Variants in TNRC18 observed in about 807,000 individuals in gnomAD.
The protein encoded by TNRC18 is trinucleotide repeat-containing gene 18 protein.
Under a neutral mutation model 226.7 loss-of-function variants are expected in TNRC18, and 69 were observed. The ratio of observed to expected loss-of-function variants is 0.30; its 90% confidence interval spans 0.25 to 0.37. The LOEUF (loss-of-function observed/expected upper bound fraction) is 0.37, where lower values mean the gene tolerates loss of function less well. TNRC18 is among the 10% of genes least tolerant of loss of function. TNRC18 has a pLI of 1.00. For synonymous variants in TNRC18, 2,449 were observed against 1,927.6 expected, an observed-to-expected ratio of 1.27 and a Z score of -7.09; for missense variants, 4,754 against 4,256.6, an observed-to-expected ratio of 1.12 and a Z score of -3.25.
At chr7:5,322,621 T>C (rs1788492920) in intron 21 of TNRC18, among the ~76,000 whole-genome samples, 1 of 152,210 alleles carries the variant, frequency 6.6e-6, no homozygotes, top group African/African-American at 2.4e-5. Flanking sequence ...CCACTTTTTC[T>C]TTCTGGCGGA....
chr7:5,360,365 G>A (rs1178987775), intron 14 of TNRC18, among the ~76,000 whole-genome samples: 2 of 151,976 alleles, frequency 1.3e-5, no homozygotes, highest in Non-Finnish European at 1.5e-5. Flanking sequence ...AAATAGCTGG[G>A]ATTACAGGCA....
At chr7:5,352,915 A>T (rs1583878963) in intron 16 of TNRC18, among the ~76,000 whole-genome samples, 5 of 152,184 alleles carry the variant, frequency 3.3e-5, no homozygotes, top group African/African-American at 1.2e-4. Flanking sequence ...TCCACTCCAG[A>T]CGGGGGGAAC....
chr7:5,388,021 G>A lies in TNRC18; in HGVS notation c.1803C>T (p.Ala601=), dbSNP rs4720623. The A allele has an allele frequency of 0.3, 476,998 of 1,571,940 alleles. 80,680 individuals are homozygous for A. Among genetic ancestry groups the A allele is most frequent in the African/African-American group, 0.71 (52,473 of 73,964 alleles). The change falls in exon 5 of 30, where the codon GCC becomes GCT. Residue 601 remains alanine, a synonymous_variant. Transcript: ENST00000430969. Reference sequence around the variant, plus strand: ...TCTTGCCACAGCCACCAGGGCGCACGGCCACGGCGTCCCGGGCAAAGCTGC... The same window carrying A: ...TCTTGCCACAGCCACCAGGGCGCACAGCCACGGCGTCCCGGGCAAAGCTGC... The part of the protein sequence containing the change: ...YSGSFARDAV[A]VRPGGCGKKS...
In TNRC18 at chr7:5,421,497, G is replaced by T; in HGVS notation, c.-243-8C>A. On this transcript the variant is annotated splice_polypyrimidine_tract_variant and splice_region_variant and intron_variant, in intron 1 of 29. Transcript: ENST00000430969. The stretch of plus-strand genomic sequence containing the variant: ...AGGCGGCGCACACGGCGTCTTGGCG[G>T]GGAGGAGACAGGCCGCGGAAGAAAT... 6.6e-6 allele frequency: 1 copy of T among 151,998 alleles called. No homozygotes were observed. Among genetic ancestry groups the T allele is most frequent in the South Asian group, 2.0e-4 (1 of 4,972 alleles). The allele number at this position is 151,998 out of a possible 1,614,324, so 9.4% of individuals were successfully genotyped here. A position where few individuals can be genotyped will look rare whatever the true frequency, so the allele number is the denominator to read the frequency against.
intron 2 of TNRC18, chr7:5,420,848 G>A (rs1276098246): frequency 2.7e-6 from 2 of 736,912 alleles, no homozygotes; most frequent in Non-Finnish European, 4.8e-6. Context: ...GGCCAAGCAC[G>A]CTACGGAAAA....
intron 21 of TNRC18, among the ~76,000 whole-genome samples, chr7:5,323,450 C>G (rs1224810383): frequency 1.3e-5 from 2 of 151,782 alleles, no homozygotes; most frequent in African/African-American, 4.8e-5. Context: ...GCCTCCTTCC[C>G]TGCTGCCCCC....
chr7:5,409,976 G>A (rs1351985628), intron 2 of TNRC18, among the ~76,000 whole-genome samples: 4 of 148,384 alleles, frequency 2.7e-5, no homozygotes, highest in Non-Finnish European at 4.4e-5. Context: ...GGGTGAAAGA[G>A]CAAGACTACG....
chr7:5,349,706 AAG>A (rs1466304171), intron 17 of TNRC18, among the ~76,000 whole-genome samples: 1 of 152,254 alleles, frequency 6.6e-6, no homozygotes, highest in Non-Finnish European at 1.5e-5. Context: ...GAGCAAATGC[AAG>A]AGACCAAAAC....
intron 2 of TNRC18, among the ~76,000 whole-genome samples, chr7:5,419,385 G>A (rs897307696): frequency 4.2e-4 from 64 of 152,158 alleles, no homozygotes; most frequent in Non-Finnish European, 7.5e-4. Context: ...AGAGAGACCC[G>A]GGTACCGATT....
intron 2 of TNRC18, among the ~76,000 whole-genome samples, chr7:5,416,771 C>T (rs1782215854): frequency 1.3e-5 from 2 of 151,702 alleles, no homozygotes; most frequent in Admixed American, 1.3e-4. Flanking sequence ...GCAGGAGGAT[C>T]TCCTGAGCCC....
intron 2 of TNRC18, chr7:5,420,729 T>C (rs777318890): frequency 1.7e-6 from 1 of 572,630 alleles, no homozygotes; most frequent in South Asian, 1.5e-5. Context: ...GTTTGTTCTT[T>C]TCTCGCCCAG....
rs1263239836 is a variant in TNRC18, at chr7:5,360,021, G to A, written c.4662-452C>T. Reference sequence around the variant, plus strand: ...AAAACGAAGAAGGAGCCACTTGCTGGTCTCTGGAATCCCGTGCGCAGTGGG... The same window carrying A: ...AAAACGAAGAAGGAGCCACTTGCTGATCTCTGGAATCCCGTGCGCAGTGGG... On this transcript the variant is annotated intron_variant, in intron 14 of 29. Transcript: ENST00000430969. Among the ~76,000 whole-genome samples, 4 of 151,922 alleles carry A rather than the reference G, an allele frequency of 2.6e-5. No individual in the cohort carries two copies. The East Asian group carries it at 7.7e-4, about 29-fold the overall frequency.
intron 2 of TNRC18, among the ~76,000 whole-genome samples, chr7:5,410,539 T>C (rs555146401): frequency 1.3e-5 from 2 of 151,748 alleles, no homozygotes; most frequent in East Asian, 1.9e-4. Flanking sequence ...ACAAAACATA[T>C]CAACATGAAA....
intron 2 of TNRC18, among the ~76,000 whole-genome samples, chr7:5,416,159 A>G (rs538807400): frequency 6.7e-6 from 1 of 149,792 alleles, no homozygotes; most frequent in African/African-American, 2.5e-5. Context: ...TCAAGCCTGT[A>G]ATCTCAGCAC....
Position 5,320,572 on chromosome 7 carries a change from C to T in TNRC18, c.6596G>A (p.Arg2199Gln). 2 of 1,611,568 alleles carry T rather than the reference C, an allele frequency of 1.2e-6. No individual in the cohort carries two copies. The highest frequency in any genetic ancestry group is 1.7e-6 in the Non-Finnish European group (2 of 1,179,658). The change falls in exon 23 of 30, where the codon CGG becomes CAG. Residue 2199 changes from arginine (R) to glutamine (Q), a missense_variant. Physicochemically the swap from Arg to Gln is conservative, Grantham distance 43 (BLOSUM62 1). Transcript: ENST00000430969. ...RVVVEGERGN[R>Q]PHIYCLEQLL... ...CTGCTCCAGACAGTAGATGTGGGGC[C>T]GGTTGCCCCGCTCACCCTCCACCAC...
chr7:5,396,265 T>C (rs1403946188), intron 2 of TNRC18, among the ~76,000 whole-genome samples: 1 of 151,634 alleles, frequency 6.6e-6, no homozygotes, highest in African/African-American at 2.4e-5. Context: ...GGAGAATCAC[T>C]TGAACCCAGG....
intron 1 of TNRC18, 143 bp from the exon 2 acceptor site, chr7:5,421,632 G>A (rs1223361535): frequency 6.6e-6 from 1 of 152,242 alleles, no homozygotes; most frequent in Non-Finnish European, 1.5e-5. Flanking sequence ...AATGAAATCG[G>A]GAGTAGCCCC....
At chr7:5,323,436 C>A (rs911818560) in intron 21 of TNRC18, among the ~76,000 whole-genome samples, 24 of 151,476 alleles carry the variant, frequency 1.6e-4, no homozygotes, top group African/African-American at 4.6e-4. Flanking sequence ...GTGCACCCTG[C>A]CCCGCCTCCT....
chr7:5,394,721 C>T lies in TNRC18; in HGVS notation c.188-126G>A, dbSNP rs1478004869. 3 of 720,162 alleles carry T rather than the reference C, an allele frequency of 4.2e-6. No individual in the cohort carries two copies. Among genetic ancestry groups the T allele is most frequent in the Non-Finnish European group, 6.8e-6 (3 of 443,804 alleles). 44.6% of individuals were successfully genotyped at this position (720,162 alleles called of 1,614,324 possible). A position where few individuals can be genotyped will look rare whatever the true frequency, so the allele number is the denominator to read the frequency against. On this transcript the variant is annotated intron_variant, in intron 2 of 29. Transcript: ENST00000430969. This position sits in a 1 kb window ranked among gnomAD's most constrained non-coding sequence, Gnocchi z 4.5. ...CCCAGCTGTGTGGAGCTGATGCTGG[C>T]CAGGAGACCAAAGAGGGTTCCCCTG...
Sources: gnomAD v4.1 joint callset for allele counts (sites outside exome capture counted in the v4.1 genomes callset) on GRCh38, gnomAD v4.1.1 for gene constraint, Gnocchi (gnomAD v3.1) non-coding constraint, MANE v1.5 for transcripts, NCBI Gene and HGNC (gene_info 2026-07-23, HGNC 2026-07-21) for gene names.